DMGDH: variants seen among roughly 807,000 people sequenced by gnomAD.
DMGDH encodes dimethylglycine dehydrogenase, mitochondrial.
A neutral mutation model predicts 95.2 loss-of-function variants in DMGDH; 76 were observed. That is an observed-to-expected ratio of 0.80 (90% confidence interval 0.66 to 0.97). DMGDH has a LOEUF of 0.97. Among genes scored for constraint, DMGDH ranks in the 50% least tolerant of loss-of-function variants. DMGDH has a pLI of 0.00. For synonymous variants in DMGDH, 345 were observed against 377.6 expected, an observed-to-expected ratio of 0.91 and a Z score of 1.00; for missense variants, 987 against 1,055.0, an observed-to-expected ratio of 0.94 and a Z score of 0.89.
intron 7 of DMGDH, among the ~76,000 whole-genome samples, chr5:79,040,439 G>T (rs939695125): frequency 1.3e-5 from 2 of 152,304 alleles, no homozygotes; most frequent in East Asian, 3.9e-4. Context: ...CCTACCTCAC[G>T]TCATATGCAA....
chr5:79,050,273 A>AAAATATAT (rs1554037270), intron 5 of DMGDH, among the ~76,000 whole-genome samples: 3 of 20,916 alleles, frequency 1.4e-4, no homozygotes, highest in Non-Finnish European at 2.8e-4. Context: ...AAAAAAAAAA[A>AAAATATAT]ATATATATAT....
chr5:79,027,313 CT>C (rs1200134659), intron 12 of DMGDH, among the ~76,000 whole-genome samples: 1 of 152,136 alleles, frequency 6.6e-6, no homozygotes, highest in East Asian at 1.9e-4. Flanking sequence ...GTATGAGCCA[CT>C]GCATCCAGCC....
At chr5:79,013,161 G>A (rs1201831041) in intron 14 of DMGDH, among the ~76,000 whole-genome samples, 1 of 152,170 alleles carries the variant, frequency 6.6e-6, no homozygotes, top group Non-Finnish European at 1.5e-5. Context: ...ACTGTCAGAA[G>A]TAGCCAGGCC....
intron 7 of DMGDH, among the ~76,000 whole-genome samples, chr5:79,035,384 T>G (rs1044528264): frequency 3.3e-5 from 5 of 152,176 alleles, no homozygotes; most frequent in African/African-American, 1.2e-4. Flanking sequence ...ACATAGAAGC[T>G]GATTTATGCT....
chr5:79,064,514 A>G (rs1755313205), intron 1 of DMGDH, among the ~76,000 whole-genome samples: 1 of 152,166 alleles, frequency 6.6e-6, no homozygotes, highest in African/African-American at 2.4e-5. Context: ...GACTTTATCA[A>G]CACTGTACAT....
At chr5:79,043,322 T>G (rs1238711193) in intron 6 of DMGDH, among the ~76,000 whole-genome samples, 1 of 152,192 alleles carries the variant, frequency 6.6e-6, no homozygotes, top group Non-Finnish European at 1.5e-5. Flanking sequence ...AAGGAGAAGC[T>G]GCCAGCATGG....
intron 5 of DMGDH, among the ~76,000 whole-genome samples, chr5:79,045,315 C>A (rs1482346909): frequency 6.6e-6 from 1 of 152,002 alleles, no homozygotes. Context: ...TCCCACTTCA[C>A]CGTTAGCACA....
rs755902274 is a variant in DMGDH, at chr5:79,033,284, A to G, written c.1318T>C (p.Tyr440His). 1.2e-6 allele frequency: 2 copies of G among 1,614,172 alleles called. No individual in the cohort carries two copies. Among genetic ancestry groups the G allele is most frequent in the South Asian group, 1.1e-5 (1 of 91,088 alleles). ...GATTCTCTTGCTTTGGCCTCAGTGT[A>G]CTGGGTTGTTGTCCATTTGCCATAG... is the stretch of plus-strand genomic sequence containing the variant. ...NRYGKWTTTQYTEAKARESYG... is the reference protein window; with the variant it reads ...NRYGKWTTTQHTEAKARESYG... The change falls in exon 8 of 16, where the codon TAC (tyrosine) becomes CAC (histidine). Residue 440 changes from tyrosine to histidine, a missense_variant. Coordinates refer to ENST00000255189, the MANE Select transcript of DMGDH (RefSeq NM_013391.3).
intron 5 of DMGDH, among the ~76,000 whole-genome samples, chr5:79,045,487 A>G (rs1754644726): frequency 6.6e-6 from 1 of 152,260 alleles, no homozygotes; most frequent in Admixed American, 6.5e-5. Flanking sequence ...GCCCCAGGCC[A>G]CACTGGACAT....
In DMGDH at chr5:79,030,904, C is replaced by A. The variant is rs1316131047; in HGVS notation, c.1612G>T (p.Gly538Cys). ...TCTTGGCCTTTGATGTTAAACTTGCCAAATGGTGATAGGTCAGTTACCGCT... is the reference window on the plus strand; with the variant it reads ...TCTTGGCCTTTGATGTTAAACTTGCAAAATGGTGATAGGTCAGTTACCGCT... ...RVAVTDLSPF[G>C]KFNIKGQDSI... Residue 538 changes from glycine to cysteine, a missense_variant, in exon 10 of 16, where the codon GGC (glycine) becomes TGC (cysteine). Coordinates refer to ENST00000255189, the MANE Select transcript of DMGDH (RefSeq NM_013391.3). 6.2e-6 allele frequency: 10 copies of A among 1,614,100 alleles called. No homozygotes were observed. Among genetic ancestry groups the A allele is most frequent in the Non-Finnish European group, 2.5e-6 (3 of 1,180,006 alleles).
rs769116632 is a variant in DMGDH, at chr5:79,029,914, G to T, written c.1804C>A (p.His602Asn). 6.2e-7 allele frequency: 1 copy of T among 1,614,034 alleles called. No homozygotes were observed. Among genetic ancestry groups the T allele is most frequent in the African/African-American group, 1.3e-5 (1 of 75,068 alleles). Residue 602 changes from histidine to asparagine, a missense_variant, in exon 11 of 16, where the codon CAT (histidine) becomes AAT (asparagine). Transcript: ENST00000255189. ...LLITGSGSEL[H>N]DLRWIEEEAV... is the part of the protein sequence containing the mutation. The stretch of plus-strand genomic sequence containing the variant: ...TAGGTGTGCACTTACCTAAGATCAT[G>T]AAGTTCTGATCCAGAGCCAGTAATT...
chr5:79,006,120 A>G (rs1228354863), intron 14 of DMGDH, among the ~76,000 whole-genome samples: 1 of 148,784 alleles, frequency 6.7e-6, no homozygotes, highest in Non-Finnish European at 1.5e-5. Context: ...ATACACTCCC[A>G]TGGGCACACT....
chr5:79,025,880 T>C (rs1298601488), intron 13 of DMGDH, among the ~76,000 whole-genome samples: 2 of 152,228 alleles, frequency 1.3e-5, no homozygotes, highest in Non-Finnish European at 2.9e-5. Flanking sequence ...CTCAGTGTTA[T>C]TATGCGTAAA....
chr5:79,005,225 G>GT lies in DMGDH; in HGVS notation c.2385+47dup, dbSNP rs58764758. The stretch of plus-strand genomic sequence containing the variant: ...GGAAATAGGAACAAGGGGAGTTTCT[G>GT]TTGCAGAAGATGCCACAGCCCCTGG... On this transcript the variant is annotated intron_variant, in intron 15 of 15. Transcript: ENST00000255189. 120,958 of 1,611,422 alleles carry GT rather than the reference G, an allele frequency of 0.075. 4,786 individuals are homozygous for GT. The highest frequency in any genetic ancestry group is 0.078 in the Non-Finnish European group (92,439 of 1,179,038).
At chr5:79,025,459 G>A (rs1172906346) in intron 13 of DMGDH, among the ~76,000 whole-genome samples, 1 of 152,112 alleles carries the variant, frequency 6.6e-6, no homozygotes, top group East Asian at 1.9e-4. Flanking sequence ...AAATGCCCTT[G>A]GGTCTCTGCC....
At chr5:79,012,241 C>T (rs1753659420) in intron 14 of DMGDH, among the ~76,000 whole-genome samples, 1 of 152,190 alleles carries the variant, frequency 6.6e-6, no homozygotes, top group Admixed American at 6.5e-5. Context: ...AAGTCAAAAA[C>T]CCAGCAGGGA....
At chr5:79,051,873 A>G (rs1754876043) in intron 4 of DMGDH, among the ~76,000 whole-genome samples, 2 of 152,210 alleles carry the variant, frequency 1.3e-5, no homozygotes, top group Admixed American at 6.5e-5. Flanking sequence ...ATTCTTGCAT[A>G]TCTACTTTGT....
chr5:79,059,430 A>G (rs1755133528), intron 2 of DMGDH, among the ~76,000 whole-genome samples: 1 of 152,150 alleles, frequency 6.6e-6, no homozygotes, highest in Admixed American at 6.5e-5. Context: ...CAACACCCAT[A>G]TGAAGGTTTC....
At chr5:79,025,399 T>C (rs1241688601) in intron 13 of DMGDH, among the ~76,000 whole-genome samples, 1 of 152,156 alleles carries the variant, frequency 6.6e-6, no homozygotes, top group Non-Finnish European at 1.5e-5. Context: ...GAGAATCCCC[T>C]AATAGGGGAT....
Sources: gnomAD v4.1 joint callset for allele counts (sites outside exome capture counted in the v4.1 genomes callset) on GRCh38, gnomAD v4.1.1 for gene constraint, MANE v1.5 for transcripts, NCBI Gene and HGNC (gene_info 2026-07-23, HGNC 2026-07-21) for gene names.